MSTO1: variants seen among roughly 807,000 people sequenced by gnomAD.
MSTO1 encodes misato mitochondrial distribution and morphology regulator 1.
A neutral mutation model predicts 55.7 loss-of-function variants in MSTO1; 24 were observed. The ratio of observed to expected loss-of-function variants is 0.43; its 90% CI spans 0.31 to 0.61. The LOEUF (loss-of-function observed/expected upper bound fraction) is 0.61, where lower values mean the gene tolerates loss of function less well. Among genes scored for constraint, MSTO1 ranks in the 20% least tolerant of loss-of-function variants. MSTO1 has a pLI of 0.09. For missense variants in MSTO1, 363 were observed against 625.7 expected (o/e 0.58, Z 4.48); for synonymous variants, 162 against 252.8 (o/e 0.64, Z 3.41).
At chr1:155,577,015 CAAAAAAAAAAAA>C in the MSTO1 span, among the ~76,000 whole-genome samples, 1 of 34,654 alleles carries the variant, frequency 2.9e-5, no homozygotes, top group Non-Finnish European at 4.8e-5. Flanking sequence ...AACTCCGTCT[CAAAAAAAAAAAA>C]AAAAAAAAAA....
chr1:155,575,793 TA>T, the MSTO1 span, among the ~76,000 whole-genome samples: 5 of 145,128 alleles, frequency 3.4e-5, no homozygotes, highest in South Asian at 6.4e-4. Context: ...TGTCTTATTT[TA>T]TTTTTATTTA....
At chr1:155,601,085 C>T in the MSTO1 span, among the ~76,000 whole-genome samples, 1 of 149,482 alleles carries the variant, frequency 6.7e-6, no homozygotes, top group Non-Finnish European at 1.5e-5. Flanking sequence ...TCCCAAAGTG[C>T]TGGGATTATA....
At chr1:155,607,972 C>T (rs1473865275), upstream of MSTO1, among the ~76,000 whole-genome samples, 1 of 152,146 alleles carries the variant, frequency 6.6e-6, no homozygotes, top group Non-Finnish European at 1.5e-5. Context: ...GCACTCCAGC[C>T]AGGGCAAAGA....
the MSTO1 span, chr1:155,565,939 T>C: frequency 6.6e-6 from 1 of 152,190 alleles, no homozygotes; most frequent in African/African-American, 2.4e-5. Context: ...ATATGTTACA[T>C]GACCAGGGAA....
the MSTO1 span, among the ~76,000 whole-genome samples, chr1:155,588,275 G>A: frequency 2.0e-5 from 3 of 150,130 alleles, no homozygotes; most frequent in African/African-American, 4.9e-5. Context: ...AAACAAAATT[G>A]TACGTGAAAA....
chr1:155,600,516 C>CT, the MSTO1 span, among the ~76,000 whole-genome samples: 1 of 151,966 alleles, frequency 6.6e-6, no homozygotes, highest in Non-Finnish European at 1.5e-5. Context: ...GCATATGTCC[C>CT]TTTTTTGTTA....
the MSTO1 span, among the ~76,000 whole-genome samples, chr1:155,572,948 C>CA: frequency 1.2e-3 from 189 of 151,514 alleles, 2 homozygotes; most frequent in African/African-American, 4.4e-3. Context: ...CTGCGCCAGT[C>CA]AAAAAAAAGA....
the MSTO1 span, among the ~76,000 whole-genome samples, chr1:155,582,295 A>G: frequency 6.6e-6 from 1 of 152,194 alleles, no homozygotes; most frequent in Non-Finnish European, 1.5e-5. Flanking sequence ...ATGACATGAA[A>G]AGACTGAAAA....
At chr1:155,572,753 C>T in the MSTO1 span, among the ~76,000 whole-genome samples, 1 of 151,912 alleles carries the variant, frequency 6.6e-6, no homozygotes, top group Admixed American at 6.6e-5. Flanking sequence ...TGGGTTCAAG[C>T]GATTCTCCCA....
the MSTO1 span, among the ~76,000 whole-genome samples, chr1:155,597,457 G>A: frequency 6.6e-6 from 1 of 151,882 alleles, no homozygotes; most frequent in East Asian, 1.9e-4. Flanking sequence ...CAACAAGAGG[G>A]AAACTAAATC....
chr1:155,569,704 T>G, the MSTO1 span, among the ~76,000 whole-genome samples: 1 of 152,142 alleles, frequency 6.6e-6, no homozygotes, highest in African/African-American at 2.4e-5. Flanking sequence ...CCCAAAGTGC[T>G]GAGATTACAA....
At chr1:155,579,658 G>C in the MSTO1 span, among the ~76,000 whole-genome samples, 23 of 152,258 alleles carry the variant, frequency 1.5e-4, no homozygotes, top group South Asian at 4.8e-3. Context: ...TACCTGATGG[G>C]ACTGTTGTAA....
the MSTO1 span, among the ~76,000 whole-genome samples, chr1:155,571,510 G>A: frequency 1.6e-3 from 236 of 152,200 alleles, 2 homozygotes; most frequent in Admixed American, 0.011. Flanking sequence ...TGCAGTGAGC[G>A]ATGATACCAC....
chr1:155,608,566 C>G (rs1380028237), upstream of MSTO1, among the ~76,000 whole-genome samples: 5 of 135,226 alleles, frequency 3.7e-5, no homozygotes, highest in African/African-American at 1.1e-4. Flanking sequence ...GTGGCGCGAT[C>G]TCGGCTCACC....
At chr1:155,566,654 T>C in the MSTO1 span, among the ~76,000 whole-genome samples, 1 of 152,062 alleles carries the variant, frequency 6.6e-6, no homozygotes, top group African/African-American at 2.4e-5. Context: ...TCACTCTTGT[T>C]ACCCAGGCTG....
chr1:155,572,482 G>A, the MSTO1 span, among the ~76,000 whole-genome samples: 7 of 152,020 alleles, frequency 4.6e-5, no homozygotes, highest in Non-Finnish European at 1.0e-4. Context: ...TGAGAGGACA[G>A]GCTGGTGGAT....
the MSTO1 span, among the ~76,000 whole-genome samples, chr1:155,588,945 G>A: frequency 2.0e-5 from 3 of 151,884 alleles, no homozygotes; most frequent in East Asian, 1.9e-4. Context: ...TGAAACGAAA[G>A]CAAGGATCAG....
the MSTO1 span, among the ~76,000 whole-genome samples, chr1:155,604,729 G>T: frequency 6.6e-6 from 1 of 151,982 alleles, no homozygotes; most frequent in Admixed American, 6.6e-5. Flanking sequence ...TGCAAAATTA[G>T]CTGGGTGTGA....
the MSTO1 span, among the ~76,000 whole-genome samples, chr1:155,569,339 G>A: frequency 6.7e-6 from 1 of 150,028 alleles, no homozygotes; most frequent in African/African-American, 2.5e-5. Flanking sequence ...GTTTCACCAT[G>A]TTAGCCAGGG....
Sources: allele counts gnomAD v4.1 joint callset (sites outside exome capture counted in the v4.1 genomes callset), GRCh38; gene constraint gnomAD v4.1.1; transcripts MANE v1.5; gene names NCBI Gene and HGNC (gene_info 2026-07-23, HGNC 2026-07-21).